The following LAMA1 variants were observed in gnomAD, a reference collection of about 807,000 sequenced individuals.
LAMA1 encodes the protein laminin subunit alpha-1.
LAMA1 carries 219 observed loss-of-function variants against 348.7 expected under a neutral mutation model. The ratio of observed to expected loss-of-function variants is 0.63; its 90% CI spans 0.56 to 0.70. The LOEUF (loss-of-function observed/expected upper bound fraction) is 0.70, where lower values mean the gene tolerates loss of function less well. Among genes scored for constraint, LAMA1 ranks in the 30% least tolerant of loss-of-function variants. The probability of loss-of-function intolerance (pLI) is 0.00; values close to 1 mark genes in which losing one functional copy is unlikely to be tolerated. For synonymous variants in LAMA1, 1,487 were observed against 1,491.0 expected (o/e 1.00, Z 0.06); for missense variants, 3,744 against 3,888.0 (o/e 0.96, Z 0.99).
At chr18:6,951,123 C>G in intron 57 of LAMA1, 152 bp from the exon 58 acceptor site, 1 of 738,320 alleles carries the variant, frequency 1.4e-6, no homozygotes, top group South Asian at 1.6e-5. Flanking sequence ...CACATCCATT[C>G]ATATAATGAG....
chr18:7,106,608 T>A (rs1361335429), intron 1 of LAMA1, among the ~76,000 whole-genome samples: 3 of 152,038 alleles, frequency 2.0e-5, no homozygotes, highest in African/African-American at 7.2e-5. Context: ...TCCACCCGCC[T>A]TGGCCCCTCC....
At chr18:7,044,666 C>G (rs1019805912) in intron 7 of LAMA1, 56 bp downstream of exon 7, 110 of 1,331,062 alleles carry the variant, frequency 8.3e-5, no homozygotes, top group Non-Finnish European at 1.1e-4. Context: ...ACACCATAAA[C>G]TTGGGACGTA....
intron 1 of LAMA1, among the ~76,000 whole-genome samples, chr18:7,089,266 C>G (rs1319439089): frequency 6.6e-6 from 1 of 152,100 alleles, no homozygotes; most frequent in Non-Finnish European, 1.5e-5. Flanking sequence ...GTAGTCCCAC[C>G]TAATCGGGAG....
rs769575627 is a variant in LAMA1 at position 6,942,124 on chromosome 18, T to A, written c.9183A>T (p.Glu3061Asp). The part of the protein sequence containing the change: ...VQSFDFSRAF[E>D]LHGVFLHSCP... Reference sequence around the variant, plus strand: ...AGGAATGAAGGAAAACTCCGTGCAGTTCGAACGCTCTGCTGAAGTCAAAGG... The same window carrying A: ...AGGAATGAAGGAAAACTCCGTGCAGATCGAACGCTCTGCTGAAGTCAAAGG... Residue 3061 changes from glutamate (E) to aspartate (D), a missense_variant, in exon 63 of 63, where the codon GAA becomes GAT. Glu to Asp is a conservative substitution (Grantham distance 45). Coordinates refer to ENST00000389658, the MANE Select transcript of LAMA1 (RefSeq NM_005559.4). The A allele has an allele frequency of 6.2e-7, 1 of 1,614,190 alleles. No homozygotes were observed. The highest frequency in any genetic ancestry group is 2.2e-5 in the East Asian group (1 of 44,868).
chr18:7,078,161 A>G (rs150831617), intron 3 of LAMA1, among the ~76,000 whole-genome samples: 1 of 79,278 alleles, frequency 1.3e-5, no homozygotes, highest in Non-Finnish European at 2.9e-5. Context: ...TTTTTATTTT[A>G]TTTTATTTTA....
intron 61 of LAMA1, among the ~76,000 whole-genome samples, chr18:6,945,374 C>A (rs1265396840): frequency 6.6e-6 from 1 of 152,098 alleles, no homozygotes; most frequent in African/African-American, 2.4e-5. Context: ...CAGACATGAC[C>A]TTTCAGATCC....
In LAMA1 at chr18:7,117,756, A is replaced by C. The variant is rs2058364187; in HGVS notation, c.-36T>G. ...CCGCCACTCGGTGGGTCTGGGGAGA[A>C]AGCCGCGCGCCCGCCTGGAACGCTC... On this transcript the variant is annotated 5_prime_UTR_variant, in exon 1 of 63. Coordinates refer to ENST00000389658, the MANE Select transcript of LAMA1 (RefSeq NM_005559.4). 6.3e-7 allele frequency: 1 copy of C among 1,577,968 alleles called. No individual in the cohort carries two copies. Among genetic ancestry groups the C allele is most frequent in the Non-Finnish European group, 8.6e-7 (1 of 1,166,454 alleles).
chr18:6,987,415 G>T (rs2057740064), intron 36 of LAMA1, among the ~76,000 whole-genome samples: 1 of 152,260 alleles, frequency 6.6e-6, no homozygotes, highest in South Asian at 2.1e-4. Context: ...TTTCATAAAA[G>T]CTTTCAAATT....
rs2144015761 is a variant in LAMA1 at position 6,964,933 on chromosome 18, C to T, written c.7196-130G>A. On this transcript the variant is annotated intron_variant, in intron 50 of 62. Coordinates refer to ENST00000389658, the MANE Select transcript of LAMA1 (RefSeq NM_005559.4). The stretch of plus-strand genomic sequence containing the variant: ...TTTTAGATTCTGCGAATTTGATCAG[C>T]TAATGTTCTTGGCTATTGAAGGACA... 3.7e-6 allele frequency: 4 copies of T among 1,067,036 alleles called. No individual in the cohort carries two copies. The South Asian group carries it at 5.4e-5, about 14-fold the overall frequency. The allele number at this position is 1,067,036 out of a possible 1,614,324, so 66.1% of individuals were successfully genotyped here. A position where few individuals can be genotyped will look rare whatever the true frequency, so the allele number is the denominator to read the frequency against.
At chr18:7,100,381 A>G (rs921838578) in intron 1 of LAMA1, among the ~76,000 whole-genome samples, 3 of 150,682 alleles carry the variant, frequency 2.0e-5, no homozygotes, top group Non-Finnish European at 4.4e-5. Context: ...GGAAGATGGA[A>G]CACTCAGACA....
intron 23 of LAMA1, among the ~76,000 whole-genome samples, chr18:7,012,616 C>T (rs563366414): frequency 3.8e-4 from 58 of 150,870 alleles, no homozygotes; most frequent in African/African-American, 1.4e-3. Context: ...AGCGATTCTC[C>T]TGCCTCAGCC....
At chr18:6,955,296 AC>A in intron 57 of LAMA1, 56 bp downstream of exon 57, 1 of 1,311,580 alleles carries the variant, frequency 7.6e-7, no homozygotes. Context: ...TGGCTGCAGA[AC>A]ACCCCCATAC....
At position 6,992,717 on chromosome 18, in the gene LAMA1, A is replaced by T. The variant is rs750472385; in HGVS notation, c.5012T>A (p.Ile1671Asn). 6.2e-7 allele frequency: 1 copy of T among 1,610,964 alleles called. No homozygotes were observed. Among genetic ancestry groups the T allele is most frequent in the Non-Finnish European group, 8.5e-7 (1 of 1,177,122 alleles). Residue 1671 changes from isoleucine (I) to asparagine (N), a missense_variant, in exon 36 of 63, where the codon ATT (isoleucine) becomes AAT (asparagine). Coordinates refer to ENST00000389658, the MANE Select transcript of LAMA1 (RefSeq NM_005559.4). ...IERLQMSITEIMEKTTLNQTL... is the reference protein window; with the variant it reads ...IERLQMSITENMEKTTLNQTL... ...CTGATTTAAAGTTGTCTTTTCCATA[A>T]TTTCTATGGAGAAAATTCATCAATT...
chr18:7,042,610 C>T (rs533368153), intron 8 of LAMA1: 17 of 291,932 alleles, frequency 5.8e-5, no homozygotes, highest in African/African-American at 1.3e-4. Flanking sequence ...CACGGCCAGG[C>T]GTGGTGGCTC....
intron 12 of LAMA1, among the ~76,000 whole-genome samples, chr18:7,036,473 A>G (rs190784308): frequency 6.6e-6 from 1 of 152,242 alleles, no homozygotes; most frequent in Non-Finnish European, 1.5e-5. Context: ...TCCTCCTCAT[A>G]GGACAACAAA....
chr18:7,075,399 G>C (rs1454694455), intron 3 of LAMA1, among the ~76,000 whole-genome samples: 4 of 152,162 alleles, frequency 2.6e-5, no homozygotes, highest in African/African-American at 9.7e-5. Flanking sequence ...AAGGTGGGCA[G>C]GTCACCTGAG....
At chr18:7,053,900 C>T (rs1241597450) in intron 3 of LAMA1, among the ~76,000 whole-genome samples, 1 of 151,736 alleles carries the variant, frequency 6.6e-6, no homozygotes, top group Non-Finnish European at 1.5e-5. Context: ...CCTCCCACCT[C>T]GGCCTCCAGA....
chr18:7,046,148 G>T, intron 6 of LAMA1, 130 bp downstream of exon 6: 1 of 632,286 alleles, frequency 1.6e-6, no homozygotes. Flanking sequence ...TTAAATTTCT[G>T]AAAATCTGTT....
intron 1 of LAMA1, among the ~76,000 whole-genome samples, chr18:7,085,698 G>T (rs564203846): frequency 6.6e-6 from 1 of 152,062 alleles, no homozygotes; most frequent in East Asian, 1.9e-4. Context: ...GATTACAGGC[G>T]TGAGCCACCG....
Sources: allele counts gnomAD v4.1 joint callset (sites outside exome capture counted in the v4.1 genomes callset), GRCh38; gene constraint gnomAD v4.1.1; transcripts MANE v1.5; gene names NCBI Gene and HGNC (gene_info 2026-07-23, HGNC 2026-07-21).